CYP27A1: variants seen among roughly 807,000 people sequenced by gnomAD.
The protein encoded by CYP27A1 is cytochrome P450 family 27 subfamily A member 1.
A neutral mutation model predicts 58.2 loss-of-function variants in CYP27A1; 46 were observed. The observed-to-expected ratio is 0.79, with a 90% confidence interval of 0.62 to 1.01. The LOEUF is 1.01. CYP27A1 is among the 50% of genes least tolerant of loss of function. CYP27A1 has a pLI of 0.00. For missense variants in CYP27A1, 704 were observed against 687.0 expected, an observed-to-expected ratio of 1.02 and a Z score of -0.28; for synonymous variants, 274 against 285.1, an observed-to-expected ratio of 0.96 and a Z score of 0.39.
chr2:218,790,334 G>A (rs1943479864), intron 1 of CYP27A1, among the ~76,000 whole-genome samples: 1 of 152,128 alleles, frequency 6.6e-6, no homozygotes, highest in African/African-American at 2.4e-5. Flanking sequence ...AGAATACAGT[G>A]CACCACGGAG....
intron 2 of CYP27A1, among the ~76,000 whole-genome samples, chr2:218,810,299 C>A (rs944269758): frequency 5.3e-5 from 8 of 151,106 alleles, no homozygotes; most frequent in Admixed American, 5.3e-4. Context: ...AAAAAAAAAA[C>A]TTTTTAACTT....
intron 1 of CYP27A1, among the ~76,000 whole-genome samples, chr2:218,801,278 G>A (rs986003225): frequency 6.6e-6 from 1 of 152,210 alleles, no homozygotes; most frequent in Admixed American, 6.5e-5. Flanking sequence ...GCCGAGGTGA[G>A]TGGATCACGT....
At position 218,812,610 on chromosome 2, in the gene CYP27A1, G is replaced by A. The variant is rs1943733748; in HGVS notation, c.705G>A (p.Glu235=). ...GCTGCCTGCAGCGATCCATCCCCGA[G>A]GACACCGTGACCTTCGTCAGATCCA... ...RIGCLQRSIP[E]DTVTFVRSIG... The change falls in exon 4 of 9, where the codon GAG becomes GAA. Residue 235 remains glutamate (E), a synonymous_variant. Coordinates refer to ENST00000258415, the MANE Select transcript of CYP27A1 (RefSeq NM_000784.4). 15 of 1,614,064 alleles carry A rather than the reference G, an allele frequency of 9.3e-6. No homozygotes were observed. Among genetic ancestry groups the A allele is most frequent in the Non-Finnish European group, 1.3e-5 (15 of 1,180,042 alleles).
At position 218,814,892 on chromosome 2, in the gene CYP27A1, T is replaced by A. The variant is rs1943772345; in HGVS notation, c.1477-19T>A. ...CAAACACACAATCCACCCAACCACATGTGCTCTTTACCCCCCAGCTGATCC... is the reference window on the plus strand; with the variant it reads ...CAAACACACAATCCACCCAACCACAAGTGCTCTTTACCCCCCAGCTGATCC... On this transcript the variant is annotated intron_variant, in intron 8 of 8. Coordinates refer to ENST00000258415, the MANE Select transcript of CYP27A1 (RefSeq NM_000784.4). The A allele has an allele frequency of 6.2e-7, 1 of 1,613,990 alleles. No individual in the cohort carries two copies. The highest frequency in any genetic ancestry group is 1.7e-5 in the Admixed American group (1 of 60,000).
At chr2:218,794,139 A>G (rs1269618296) in intron 1 of CYP27A1, among the ~76,000 whole-genome samples, 2 of 152,288 alleles carry the variant, frequency 1.3e-5, no homozygotes, top group East Asian at 1.9e-4. Flanking sequence ...GGGAGAGGAC[A>G]AGCTCCTCCC....
At chr2:218,791,861 ACAT>A in intron 1 of CYP27A1, among the ~76,000 whole-genome samples, 1 of 152,312 alleles carries the variant, frequency 6.6e-6, no homozygotes, top group East Asian at 1.9e-4. Context: ...TACTGTTACA[ACAT>A]CAGTCCTCTT....
Position 218,814,421 on chromosome 2 carries a change from A to G in CYP27A1, c.1226A>G (p.Lys409Arg), listed in dbSNP as rs1943764170. The change falls in exon 7 of 9, where the codon AAG becomes AGG. Residue 409 changes from lysine to arginine, a missense_variant. Coordinates refer to ENST00000258415, the MANE Select transcript of CYP27A1 (RefSeq NM_000784.4). ...VVPTNSRIIEKEIEVDGFLFP... is the reference protein window; with the variant it reads ...VVPTNSRIIEREIEVDGFLFP... ...CCCACAAACTCCCGGATCATAGAAA[A>G]GGAAATTGAAGTTGATGGCTTCCTC... The G allele has an allele frequency of 6.2e-7, 1 of 1,614,124 alleles. No homozygotes were observed. The highest frequency in any genetic ancestry group is 1.3e-5 in the African/African-American group (1 of 74,942).
At chr2:218,812,465 G>A in intron 3 of CYP27A1, 44 bp downstream of exon 3, 2 of 1,612,620 alleles carry the variant, frequency 1.2e-6, no homozygotes. Context: ...ATGGGTCAGG[G>A]AGAGGTTGTG....
chr2:218,790,016 T>C (rs1171138570), intron 1 of CYP27A1, among the ~76,000 whole-genome samples: 2 of 152,244 alleles, frequency 1.3e-5, no homozygotes, highest in African/African-American at 4.8e-5. Flanking sequence ...TAAATGACTC[T>C]ATTTTGGTTT....
rs1413976755 is a variant in CYP27A1 at position 218,782,224 on chromosome 2, AGG to A, written c.45_46del (p.Ala16ArgfsTer164). ...GCARLRWALRGAGRGLCPHGA... is the reference protein window; with the variant it reads ...GCARLRWALRXAGRGLCPHGA... ...GCGCGAGGCTGAGGTGGGCGCTGCGAGGGGCCGGCCGTGGCCTCTGCCCCCAC... is the reference window on the plus strand; with the variant it reads ...GCGCGAGGCTGAGGTGGGCGCTGCGAGGCCGGCCGTGGCCTCTGCCCCCAC... On this transcript the variant is annotated frameshift_variant, in exon 1 of 9. Coordinates refer to ENST00000258415, the MANE Select transcript of CYP27A1 (RefSeq NM_000784.4). LOFTEE classifies it high-confidence loss of function. This position sits in a 1 kb window ranked among gnomAD's most constrained non-coding sequence, Gnocchi z 4.1. 1 of 1,541,746 alleles carries A rather than the reference AGG, an allele frequency of 6.5e-7. No individual in the cohort carries two copies. The highest frequency in any genetic ancestry group is 2.4e-5 in the East Asian group (1 of 40,878).
chr2:218,802,637 G>A (rs1166436038), intron 1 of CYP27A1, among the ~76,000 whole-genome samples: 1 of 152,178 alleles, frequency 6.6e-6, no homozygotes, highest in African/African-American at 2.4e-5. Context: ...AGAGACAGCC[G>A]ATGTTTTCTT....
chr2:218,789,830 G>C (rs1443860497), intron 1 of CYP27A1, among the ~76,000 whole-genome samples: 3 of 152,206 alleles, frequency 2.0e-5, no homozygotes, highest in African/African-American at 7.2e-5. Flanking sequence ...AAATAGCAGA[G>C]CAGTGGGTTT....
At position 218,809,676 on chromosome 2, in the gene CYP27A1, C is replaced by A; in HGVS notation, c.355C>A (p.Arg119=). 2.5e-6 allele frequency: 4 copies of A among 1,614,114 alleles called. No homozygotes were observed. The highest frequency in any genetic ancestry group is 3.4e-6 in the Non-Finnish European group (4 of 1,180,020). ...TGCCCCGCTCTTGGAGCAAGTGATG[C>A]GGCAAGAGGGCAAGTACCCAGTACG... is the stretch of plus-strand genomic sequence containing the variant. ...ASAPLLEQVM[R]QEGKYPVRND... The change falls in exon 2 of 9, where the codon CGG becomes AGG. Residue 119 remains arginine, a synonymous_variant. Transcript: ENST00000258415.
At chr2:218,802,171 C>T (rs1943606070) in intron 1 of CYP27A1, among the ~76,000 whole-genome samples, 1 of 152,048 alleles carries the variant, frequency 6.6e-6, no homozygotes, top group African/African-American at 2.4e-5. Flanking sequence ...TGCGGCCTAG[C>T]CCTAGCCAAT....
intron 1 of CYP27A1, among the ~76,000 whole-genome samples, chr2:218,805,620 ATGAGATT>A (rs1243537749): frequency 5.1e-5 from 4 of 78,434 alleles, no homozygotes; most frequent in Non-Finnish European, 1.1e-4. Flanking sequence ...GGAACAGGAC[ATGAGATT>A]CATAAATGAA....
At chr2:218,787,163 G>A (rs970183581) in intron 1 of CYP27A1, among the ~76,000 whole-genome samples, 1 of 152,058 alleles carries the variant, frequency 6.6e-6, no homozygotes, top group Non-Finnish European at 1.5e-5. Context: ...GTGAGGGCTG[G>A]GCCTATGTCT....
At chr2:218,809,039 A>G (rs560048368) in intron 1 of CYP27A1, among the ~76,000 whole-genome samples, 6 of 152,214 alleles carry the variant, frequency 3.9e-5, no homozygotes, top group African/African-American at 1.4e-4. Flanking sequence ...CGCATGGCTT[A>G]CTTACTTATT....
At chr2:218,798,494 GTGTGGTTAATTCCATA>G (rs1943567761) in intron 1 of CYP27A1, among the ~76,000 whole-genome samples, 1 of 152,162 alleles carries the variant, frequency 6.6e-6, no homozygotes, top group African/African-American at 2.4e-5. Flanking sequence ...ATAATTAAGG[GTGTGGTTAATTCCATA>G]TGTCCCACTT....
At position 218,812,340 on chromosome 2, in the gene CYP27A1, C is replaced by T. The variant is rs1943726763; in HGVS notation, c.565C>T (p.Leu189=). ...NEVIDDFMTR[L]DQLRAESASG... ...GGTGATTGATGACTTTATGACTCGACTGGACCAGCTGCGGGCAGAGAGTGC... is the reference window on the plus strand; with the variant it reads ...GGTGATTGATGACTTTATGACTCGATTGGACCAGCTGCGGGCAGAGAGTGC... Residue 189 remains leucine, a synonymous_variant, in exon 3 of 9, where the codon CTG becomes TTG. Transcript: ENST00000258415. 1 of 1,614,236 alleles carries T rather than the reference C, an allele frequency of 6.2e-7. No homozygotes were observed. The highest frequency in any genetic ancestry group is 1.3e-5 in the African/African-American group (1 of 75,064).
Sources: gnomAD v4.1 joint callset for allele counts (sites outside exome capture counted in the v4.1 genomes callset) on GRCh38, gnomAD v4.1.1 for gene constraint, Gnocchi (gnomAD v3.1) non-coding constraint, MANE v1.5 for transcripts, NCBI Gene and HGNC (gene_info 2026-07-23, HGNC 2026-07-21) for gene names.